Variants in ABCA10 observed in about 807,000 individuals in gnomAD.
ABCA10 encodes the protein ATP binding cassette subfamily A member 10.
Under a neutral mutation model 187.5 loss-of-function variants are expected in ABCA10, and 169 were observed. The observed-to-expected ratio is 0.90, with a 90% CI of 0.80 to 1.02. The LOEUF (loss-of-function observed/expected upper bound fraction) is 1.02, where lower values mean the gene tolerates loss of function less well. ABCA10 is among the 50% of genes least tolerant of loss of function. The pLI, the probability that ABCA10 is intolerant of heterozygous loss-of-function variation, is 0.00. For missense variants in ABCA10, 1,727 were observed against 1,812.4 expected (o/e 0.95, Z 0.86); for synonymous variants, 574 against 601.8 (o/e 0.95, Z 0.68).
At chr17:69,226,128 T>C (rs1204476202) in intron 2 of ABCA10, among the ~76,000 whole-genome samples, 1 of 152,096 alleles carries the variant, frequency 6.6e-6, no homozygotes, top group East Asian at 1.9e-4. Context: ...GGGATAGTGG[T>C]AATGTAGGGA....
intron 26 of ABCA10, among the ~76,000 whole-genome samples, 182 bp from the exon 27 acceptor site, chr17:69,164,336 T>C (rs2074240371): frequency 1.3e-5 from 2 of 152,210 alleles, no homozygotes; most frequent in Non-Finnish European, 2.9e-5. Flanking sequence ...CTTTCCTTAG[T>C]TATGAACTCC....
chr17:69,219,599 C>G lies in ABCA10; in HGVS notation c.476G>C (p.Arg159Thr). The change falls in exon 6 of 39, where the codon AGA becomes ACA. Residue 159 changes from arginine (R) to threonine (T), a missense_variant. Physicochemically the swap from Arg to Thr is moderately conservative, Grantham distance 71. Coordinates refer to ENST00000690296, the MANE Select transcript of ABCA10 (RefSeq NM_001377321.1). ...TGTCATCAGTTTCTTAAATTTTCCT[C>G]TTTCCCTTGCAACATTTAATGATGC... is the stretch of plus-strand genomic sequence containing the variant. ...YFASLNVARE[R>T]GKFKKLMTVM... 2 of 1,609,128 alleles carry G rather than the reference C, an allele frequency of 1.2e-6. No individual in the cohort carries two copies. Among genetic ancestry groups the G allele is most frequent in the Non-Finnish European group, 1.7e-6 (2 of 1,178,208 alleles).
At chr17:69,155,201 A>ATT in intron 29 of ABCA10, 65 bp from the exon 30 acceptor site, 1 of 1,293,822 alleles carries the variant, frequency 7.7e-7, no homozygotes, top group Non-Finnish European at 1.1e-6. Context: ...TTGATGTTTT[A>ATT]TTTTCCATTC....
chr17:69,189,491 AGT>A (rs2074444820), intron 18 of ABCA10, among the ~76,000 whole-genome samples: 1 of 151,998 alleles, frequency 6.6e-6, no homozygotes, highest in African/African-American at 2.4e-5. Context: ...CTCTGTTGAT[AGT>A]TTCTTTTGCT....
upstream of ABCA10, among the ~76,000 whole-genome samples, chr17:69,230,691 C>CA (rs2074826564): frequency 2.0e-5 from 3 of 152,152 alleles, no homozygotes; most frequent in South Asian, 6.2e-4. Flanking sequence ...AATGAACAAT[C>CA]AGAGGCAATT....
At chr17:69,180,904 T>G (rs1480180881) in intron 22 of ABCA10, among the ~76,000 whole-genome samples, 1 of 152,170 alleles carries the variant, frequency 6.6e-6, no homozygotes, top group Non-Finnish European at 1.5e-5. Flanking sequence ...CTTTTTTATC[T>G]ATCATAATCA....
At chr17:69,159,632 T>C (rs2144760614) in intron 27 of ABCA10, among the ~76,000 whole-genome samples, 1 of 152,200 alleles carries the variant, frequency 6.6e-6, no homozygotes, top group South Asian at 2.1e-4. Context: ...TGTGATGATG[T>C]AATCAAAGAA....
At chr17:69,164,279 TGAG>T (rs1164252628) in intron 26 of ABCA10, 125 bp from the exon 27 acceptor site, 24 of 729,772 alleles carry the variant, frequency 3.3e-5, no homozygotes, top group Non-Finnish European at 4.8e-5. Flanking sequence ...TGAATTGAGA[TGAG>T]AAGAGTTGTT....
At chr17:69,160,905 T>G (rs1300072560) in intron 27 of ABCA10, among the ~76,000 whole-genome samples, 4 of 152,192 alleles carry the variant, frequency 2.6e-5, no homozygotes, top group Admixed American at 2.6e-4. Context: ...CTCCCACTTC[T>G]GGGTATTTAT....
At chr17:69,214,085 C>T (rs564273654) in intron 9 of ABCA10, among the ~76,000 whole-genome samples, 26 of 152,310 alleles carry the variant, frequency 1.7e-4, no homozygotes, top group African/African-American at 6.0e-4. Context: ...TAAAAAGCAT[C>T]ATTATTCAAT....
chr17:69,188,617 G>C (rs2074438998), intron 18 of ABCA10, among the ~76,000 whole-genome samples: 1 of 151,384 alleles, frequency 6.6e-6, no homozygotes, highest in Non-Finnish European at 1.5e-5. Context: ...GGGATTTGGG[G>C]GTTTGGTGTA....
At chr17:69,174,875 G>A in intron 23 of ABCA10, 98 bp from the exon 24 acceptor site, 1 of 1,074,800 alleles carries the variant, frequency 9.3e-7, no homozygotes, top group Non-Finnish European at 1.3e-6. Context: ...GAAATAGTAT[G>A]TTATAGTGTC....
intron 11 of ABCA10, among the ~76,000 whole-genome samples, chr17:69,196,003 C>A (rs955650761): frequency 1.6e-4 from 24 of 152,230 alleles, no homozygotes; most frequent in African/African-American, 5.3e-4. Flanking sequence ...TTTCCTTTCC[C>A]CACACTTCCC....
chr17:69,168,191 T>A (rs911755710), intron 25 of ABCA10, among the ~76,000 whole-genome samples: 4 of 152,208 alleles, frequency 2.6e-5, no homozygotes, highest in Non-Finnish European at 5.9e-5. Flanking sequence ...TAAGCAACTA[T>A]GTTATCAGTA....
At chr17:69,215,711 AAC>A in intron 8 of ABCA10, 102 bp downstream of exon 8, 1 of 1,138,582 alleles carries the variant, frequency 8.8e-7, no homozygotes, top group Non-Finnish European at 1.2e-6. Context: ...AATTTCTTAA[AAC>A]ACAGAGTGGC....
rs763265411 is a variant in ABCA10, at chr17:69,216,267, T to G, written c.622A>C (p.Thr208Pro). 1 of 1,613,672 alleles carries G rather than the reference T, an allele frequency of 6.2e-7. No individual in the cohort carries two copies. The highest frequency in any genetic ancestry group is 1.1e-5 in the South Asian group (1 of 91,028). ...VITSIPIVFH[T>P]GFMVIFTLYS... ...AGTGTGAATATCACCATGAAGCCAG[T>G]ATGAAATACAATTGGGATTGATGTT... The change falls in exon 7 of 39, where the codon ACT becomes CCT. Residue 208 changes from threonine to proline, a missense_variant. Transcript: ENST00000690296.
intron 9 of ABCA10, among the ~76,000 whole-genome samples, chr17:69,205,985 T>C (rs910598635): frequency 1.4e-4 from 22 of 152,202 alleles, no homozygotes; most frequent in African/African-American, 5.3e-4. Flanking sequence ...GCGGAAATGG[T>C]AAAAGCACAA....
chr17:69,197,179 G>C lies in ABCA10; in HGVS notation c.1176-57C>G, dbSNP rs2074512322. ...TGCATTTTCTAGTATTAATAACACA[G>C]ATTACAGTTCATAACTAAGCCTGAA... On this transcript the variant is annotated intron_variant, in intron 10 of 38. Transcript: ENST00000690296. The C allele has an allele frequency of 3.0e-6, 4 of 1,344,202 alleles. No homozygotes were observed. The East Asian group carries it at 9.2e-5, about 31-fold the overall frequency. The allele number at this position is 1,344,202 out of a possible 1,614,324, so 83.3% of individuals were successfully genotyped here.
At chr17:69,156,013 C>A (rs2074171811) in intron 28 of ABCA10, 88 bp from the exon 29 acceptor site, 11 of 1,389,742 alleles carry the variant, frequency 7.9e-6, no homozygotes, top group Admixed American at 2.4e-5. Flanking sequence ...AATTATTATC[C>A]TTTTTAAAAA....
Sources: gnomAD v4.1 joint callset for allele counts (sites outside exome capture counted in the v4.1 genomes callset) on GRCh38, gnomAD v4.1.1 for gene constraint, MANE v1.5 for transcripts, NCBI Gene and HGNC (gene_info 2026-07-23, HGNC 2026-07-21) for gene names.